The following PJA2 variants were observed in gnomAD, a reference collection of about 807,000 sequenced individuals.
PJA2 encodes the protein E3 ubiquitin-protein ligase Praja-2.
Under a neutral mutation model 69.3 loss-of-function variants are expected in PJA2, and 25 were observed. The ratio of observed to expected loss-of-function variants is 0.36; its 90% CI spans 0.26 to 0.50. The LOEUF is 0.50. PJA2 is among the 20% of genes least tolerant of loss of function. The pLI, the probability that PJA2 is intolerant of heterozygous loss-of-function variation, is 0.96. For synonymous variants in PJA2, 308 were observed against 277.8 expected (o/e 1.11, Z -1.08); for missense variants, 809 against 830.2 (o/e 0.97, Z 0.31).
At chr5:109,339,673 C>T (rs1241232056) in intron 9 of PJA2, among the ~76,000 whole-genome samples, 4 of 152,324 alleles carry the variant, frequency 2.6e-5, no homozygotes, top group Non-Finnish European at 5.9e-5. Context: ...CTACTACCAC[C>T]ATCATGTACA....
chr5:109,341,260 C>G (rs1762050038), intron 9 of PJA2, among the ~76,000 whole-genome samples: 1 of 147,050 alleles, frequency 6.8e-6, no homozygotes, highest in African/African-American at 2.5e-5. Flanking sequence ...GCCGCCCATC[C>G]TCTGAGATGT....
chr5:109,391,096 G>A lies in PJA2; in HGVS notation c.-87-7576C>T, dbSNP rs17161760. 7.2e-3 allele frequency among the ~76,000 whole-genome samples: 1,093 copies of A among 152,198 alleles called. 8 individuals carry two copies. The highest frequency in any genetic ancestry group is 0.025 in the African/African-American group (1,024 of 41,528). On this transcript the variant is annotated intron_variant, in intron 1 of 9. Transcript: ENST00000361189. ...CATTAAAGACCCTACTAAACCCATTGTAAAGTTGAAAAATCATAAACGAAA... is the reference window on the plus strand; with the variant it reads ...CATTAAAGACCCTACTAAACCCATTATAAAGTTGAAAAATCATAAACGAAA...
chr5:109,365,581 C>A (rs375568816), intron 5 of PJA2, among the ~76,000 whole-genome samples: 4,618 of 77,138 alleles, frequency 0.06, 90 homozygotes, highest in Middle Eastern at 0.11. Flanking sequence ...TTGTATGAAT[C>A]CTTTTTTTTT....
chr5:109,342,765 G>A (rs1293391653), intron 9 of PJA2, among the ~76,000 whole-genome samples: 278 of 104,492 alleles, frequency 2.7e-3, no homozygotes, highest in African/African-American at 3.4e-3. Context: ...GCCTCTGCCC[G>A]GCCGCCCCTA....
intron 1 of PJA2, among the ~76,000 whole-genome samples, chr5:109,387,901 A>G (rs1747195772): frequency 6.6e-6 from 1 of 152,218 alleles, no homozygotes. Flanking sequence ...GTTACTGAAC[A>G]AACGAATGAA....
chr5:109,351,696 C>A (rs1030437030), intron 7 of PJA2, among the ~76,000 whole-genome samples: 2 of 151,792 alleles, frequency 1.3e-5, no homozygotes, highest in African/African-American at 4.8e-5. Context: ...TACATACTGC[C>A]AGTATTTTCA....
intron 6 of PJA2, among the ~76,000 whole-genome samples, chr5:109,361,756 T>G (rs981332222): frequency 6.6e-6 from 1 of 152,214 alleles, no homozygotes; most frequent in African/African-American, 2.4e-5. Flanking sequence ...ACAAATTGCA[T>G]GGCTGTAATG....
At chr5:109,381,373 T>C (rs999938178) in intron 3 of PJA2, 130 bp downstream of exon 3, 20 of 647,782 alleles carry the variant, frequency 3.1e-5, no homozygotes, top group East Asian at 5.5e-5. Context: ...AATTTCAAAA[T>C]AGAATTTCTT....
intron 1 of PJA2, among the ~76,000 whole-genome samples, chr5:109,398,594 G>T (rs1174557149): frequency 7.3e-6 from 1 of 136,252 alleles, no homozygotes; most frequent in Admixed American, 7.8e-5. Flanking sequence ...AGAACCCTTG[G>T]ATATAGGAAG....
chr5:109,387,206 GATT>G (rs1389464089), intron 1 of PJA2, among the ~76,000 whole-genome samples: 13 of 151,862 alleles, frequency 8.6e-5, no homozygotes, highest in African/African-American at 1.9e-4. Context: ...CTTATTCTGT[GATT>G]ATTATTTAAT....
chr5:109,383,305 G>T, intron 2 of PJA2, 98 bp downstream of exon 2: 2 of 1,046,642 alleles, frequency 1.9e-6, no homozygotes, highest in South Asian at 1.5e-5. Flanking sequence ...CTTTTAGTAA[G>T]ACCACAGGTC....
chr5:109,387,562 A>G lies in PJA2; in HGVS notation c.-87-4042T>C, dbSNP rs183257708. Reference sequence around the variant, plus strand: ...CTACTTGTGACAATTAGTCACTTCAAACAATTCGGGGTTTTTACATACTTC... The same window carrying G: ...CTACTTGTGACAATTAGTCACTTCAGACAATTCGGGGTTTTTACATACTTC... On this transcript the variant is annotated intron_variant, in intron 1 of 9. Coordinates refer to ENST00000361189, the MANE Select transcript of PJA2 (RefSeq NM_014819.5). Among the ~76,000 whole-genome samples, 358 of 152,308 alleles carry G rather than the reference A, an allele frequency of 2.4e-3. 1 individual carries two copies. The highest frequency in any genetic ancestry group is 8.4e-3 in the African/African-American group (348 of 41,576).
intron 1 of PJA2, among the ~76,000 whole-genome samples, chr5:109,402,357 A>G (rs1747573871): frequency 6.6e-6 from 1 of 152,196 alleles, no homozygotes; most frequent in Non-Finnish European, 1.5e-5. Flanking sequence ...AAAATAATAT[A>G]CAAACACTAA....
intron 7 of PJA2, among the ~76,000 whole-genome samples, chr5:109,345,513 C>CAAAAAA (rs531364060): frequency 8.7e-5 from 8 of 91,790 alleles, no homozygotes; most frequent in Admixed American, 1.3e-4. Flanking sequence ...GACTCTGTCT[C>CAAAAAA]AAAAAAAAAA....
intron 6 of PJA2, among the ~76,000 whole-genome samples, chr5:109,356,572 C>T (rs958025319): frequency 3.3e-5 from 5 of 152,160 alleles, no homozygotes; most frequent in Non-Finnish European, 5.9e-5. Context: ...TAGTACATTT[C>T]CCCACCCGAT....
chr5:109,337,501 G>T, intron 9 of PJA2, 145 bp from the exon 10 acceptor site: 1 of 909,366 alleles, frequency 1.1e-6, no homozygotes, highest in Non-Finnish European at 1.6e-6. Context: ...AATGCAGAAA[G>T]ACATAATTTT....
In PJA2 at chr5:109,381,728, A is replaced by G. The variant is rs758034878; in HGVS notation, c.32-25T>C. ...GCTGAAAAAAAAGTTAAAAAATTAA[A>G]ACAGGAACAGCAATGAGCTTTATTC... is the stretch of plus-strand genomic sequence containing the variant. On this transcript the variant is annotated intron_variant, in intron 2 of 9. Coordinates refer to ENST00000361189, the MANE Select transcript of PJA2 (RefSeq NM_014819.5). The G allele has an allele frequency of 3.1e-6, 5 of 1,605,372 alleles. No individual in the cohort carries two copies. The East Asian group carries it at 1.1e-4, about 36-fold the overall frequency.
intron 4 of PJA2, among the ~76,000 whole-genome samples, chr5:109,375,248 G>A (rs1223143352): frequency 1.3e-5 from 2 of 151,968 alleles, no homozygotes; most frequent in African/African-American, 2.4e-5. Flanking sequence ...AGTGGCTCAC[G>A]CCTGTAATCT....
Position 109,378,977 on chromosome 5 carries a change from T to G in PJA2, c.510A>C (p.Pro170=), listed in dbSNP as rs893681795. Residue 170 remains proline (P), a synonymous_variant, in exon 4 of 10, where the codon CCA becomes CCC. Transcript: ENST00000361189. ...IALVHTDSYD[P]DGKHGEDNDH... is the part of the protein sequence containing the mutation. ...CATTATCTTCTCCATGTTTGCCATC[T>G]GGATCATAAGAGTCTGTATGAACCA... 1.2e-6 allele frequency: 2 copies of G among 1,614,214 alleles called. No individual in the cohort carries two copies. Among genetic ancestry groups the G allele is most frequent in the Middle Eastern group, 3.3e-4 (2 of 6,062 alleles).
Sources: allele counts gnomAD v4.1 joint callset (sites outside exome capture counted in the v4.1 genomes callset), GRCh38; gene constraint gnomAD v4.1.1; transcripts MANE v1.5; gene names NCBI Gene and HGNC (gene_info 2026-07-23, HGNC 2026-07-21).